SAMD3: variants seen among roughly 807,000 people sequenced by gnomAD.
SAMD3 encodes sterile alpha motif domain-containing protein 3.
In SAMD3, 63 loss-of-function variants were observed where a neutral mutation model predicts 58.5. The observed-to-expected ratio is 1.08, with a 90% confidence interval of 0.88 to 1.33. SAMD3 has a LOEUF of 1.33. Among genes scored for constraint, SAMD3 ranks in the 40% most tolerant of loss-of-function variants. SAMD3 has a pLI of 0.00. For missense variants in SAMD3, 604 were observed against 608.4 expected (o/e 0.99, Z 0.08); for synonymous variants, 220 against 210.3 (o/e 1.05, Z -0.40).
At chr6:130,289,173 A>G (rs1775278201) in intron 2 of SAMD3, among the ~76,000 whole-genome samples, 1 of 152,198 alleles carries the variant, frequency 6.6e-6, no homozygotes, top group Non-Finnish European at 1.5e-5. Flanking sequence ...TAAATGCTAG[A>G]AGTACTTTAT....
At chr6:130,358,791 A>T (rs1334235590) in intron 1 of SAMD3, among the ~76,000 whole-genome samples, 2 of 151,822 alleles carry the variant, frequency 1.3e-5, no homozygotes, top group Non-Finnish European at 2.9e-5. Flanking sequence ...ACACTATACA[A>T]GATTCTACAA....
chr6:130,333,633 AG>A (rs993103606), intron 1 of SAMD3, among the ~76,000 whole-genome samples: 9 of 152,208 alleles, frequency 5.9e-5, no homozygotes, highest in Non-Finnish European at 8.8e-5. Flanking sequence ...TAAACCTTGA[AG>A]AAGGGACCTT....
chr6:130,288,179 T>C (rs997043408), intron 2 of SAMD3, among the ~76,000 whole-genome samples: 6 of 152,186 alleles, frequency 3.9e-5, no homozygotes, highest in East Asian at 1.9e-4. Context: ...TACATCTATA[T>C]AGAGAAAGAC....
intron 2 of SAMD3, among the ~76,000 whole-genome samples, chr6:130,293,194 T>C (rs1775441035): frequency 1.3e-5 from 2 of 152,188 alleles, no homozygotes; most frequent in Non-Finnish European, 2.9e-5. Flanking sequence ...CTCCATTTGC[T>C]TGGGGTGCTG....
intron 1 of SAMD3, among the ~76,000 whole-genome samples, chr6:130,342,937 T>C (rs1478528327): frequency 6.6e-6 from 1 of 152,148 alleles, no homozygotes; most frequent in Non-Finnish European, 1.5e-5. Flanking sequence ...GGTGGGGCCT[T>C]GATTCAACTA....
chr6:130,199,793 C>G (rs1794474421), intron 5 of SAMD3, among the ~76,000 whole-genome samples: 1 of 152,188 alleles, frequency 6.6e-6, no homozygotes, highest in East Asian at 1.9e-4. Context: ...CTGATGGTAC[C>G]CACCGTGAAT....
intron 2 of SAMD3, among the ~76,000 whole-genome samples, chr6:130,292,262 TCTTTCTTTC>T: frequency 7.2e-6 from 1 of 137,960 alleles, no homozygotes; most frequent in African/African-American, 2.8e-5. Context: ...ACTTTTTTTT[TCTTTCTTTC>T]TTTTTTTTTT....
At chr6:130,254,945 C>T (rs183755886) in intron 2 of SAMD3, among the ~76,000 whole-genome samples, 191 of 151,258 alleles carry the variant, frequency 1.3e-3, no homozygotes, top group South Asian at 5.4e-3. Flanking sequence ...TTGCTTAAAA[C>T]TTTCCTCTTC....
At chr6:130,326,738 C>T (rs1776773639) in intron 1 of SAMD3, among the ~76,000 whole-genome samples, 1 of 152,134 alleles carries the variant, frequency 6.6e-6, no homozygotes, top group South Asian at 2.1e-4. Flanking sequence ...TAGCTAGGGC[C>T]ACTGAGTACA....
intron 2 of SAMD3, among the ~76,000 whole-genome samples, chr6:130,294,448 T>C (rs1459536356): frequency 6.6e-6 from 1 of 152,210 alleles, no homozygotes; most frequent in Admixed American, 6.5e-5. Context: ...ATGTTTATTT[T>C]ATTTGTGAAG....
At chr6:130,143,587 T>C (rs1378752362), downstream of SAMD3, among the ~76,000 whole-genome samples, 1 of 152,190 alleles carries the variant, frequency 6.6e-6, no homozygotes, top group East Asian at 1.9e-4. Flanking sequence ...AATTTGAACA[T>C]GTAACCCAGG....
chr6:130,195,280 C>G lies in SAMD3; in HGVS notation c.384-10657G>C, dbSNP rs181109454. Among the ~76,000 whole-genome samples, 5 of 152,240 alleles carry G rather than the reference C, an allele frequency of 3.3e-5. No homozygotes were observed. In the East Asian group the frequency reaches 9.7e-4, roughly 29 times the overall value. ...CTCCTTGGTGACCGATTATGCACCC[C>G]TTACCATCTCATTAAAACCTAATCA... On this transcript the variant is annotated intron_variant, in intron 5 of 11. Transcript: ENST00000439090.
chr6:130,305,863 C>T (rs2114980577), intron 2 of SAMD3, among the ~76,000 whole-genome samples: 1 of 152,292 alleles, frequency 6.6e-6, no homozygotes, highest in South Asian at 2.1e-4. Flanking sequence ...AACAAAACAC[C>T]ATAAACTGCA....
At chr6:130,301,356 T>C (rs1332359077) in intron 2 of SAMD3, among the ~76,000 whole-genome samples, 1 of 152,070 alleles carries the variant, frequency 6.6e-6, no homozygotes, top group East Asian at 1.9e-4. Context: ...AGAAAATACT[T>C]AGGAATACAC....
At chr6:130,346,133 T>C (rs1005048312) in intron 1 of SAMD3, among the ~76,000 whole-genome samples, 4 of 152,204 alleles carry the variant, frequency 2.6e-5, no homozygotes, top group Admixed American at 1.3e-4. Context: ...AGTCTACAGC[T>C]CCCAGCGTGA....
chr6:130,227,487 C>CA (rs919125653), upstream of SAMD3, among the ~76,000 whole-genome samples: 18 of 152,146 alleles, frequency 1.2e-4, no homozygotes, highest in African/African-American at 3.9e-4. Context: ...TTTGATAGTT[C>CA]AAAAAATCAG....
intron 2 of SAMD3, among the ~76,000 whole-genome samples, chr6:130,228,070 TG>T (rs1366302118): frequency 6.6e-6 from 1 of 152,238 alleles, no homozygotes. Flanking sequence ...ATTTTCATCC[TG>T]ATATAAACCA....
intron 9 of SAMD3, among the ~76,000 whole-genome samples, chr6:130,153,642 A>T (rs1207699629): frequency 1.9e-5 from 2 of 105,972 alleles, no homozygotes; most frequent in Non-Finnish European, 3.8e-5. Flanking sequence ...TTACCCATTA[A>T]ATTTCATATA....
intron 2 of SAMD3, among the ~76,000 whole-genome samples, chr6:130,254,929 T>C (rs1053455360): frequency 1.3e-5 from 2 of 152,184 alleles, no homozygotes; most frequent in Non-Finnish European, 2.9e-5. Context: ...TTGATGTAAA[T>C]AATCATTGCT....
Sources: gnomAD v4.1 joint callset for allele counts (sites outside exome capture counted in the v4.1 genomes callset) on GRCh38, gnomAD v4.1.1 for gene constraint, MANE v1.5 for transcripts, NCBI Gene and HGNC (gene_info 2026-07-23, HGNC 2026-07-21) for gene names.